REELD1: variants seen among roughly 807,000 people sequenced by gnomAD.
REELD1 encodes the protein reeler domain containing 1, also known as reelin domain-containing protein 1.
In REELD1, 12 loss-of-function variants were observed where a neutral mutation model predicts 6.3. The ratio of observed to expected loss-of-function variants is 1.89; its 90% CI spans 1.21 to 3.07. The LOEUF (loss-of-function observed/expected upper bound fraction) is 3.07, where lower values mean the gene tolerates loss of function less well. Ranked by LOEUF, REELD1 falls within the 30% of genes most tolerant of loss-of-function variation. The pLI is 0.00. For synonymous variants in REELD1, 57 were observed against 33.6 expected (o/e 1.70, Z -2.42); for missense variants, 163 against 86.8 (o/e 1.88, Z -3.49).
intron 4 of REELD1, among the ~76,000 whole-genome samples, 154 bp from the exon 5 acceptor site, chr4:146,224,291 G>A (rs1184757915): frequency 6.6e-6 from 1 of 152,202 alleles, no homozygotes; most frequent in African/African-American, 2.4e-5. Flanking sequence ...CACTCAAAGA[G>A]TAATAATATA....
At chr4:146,227,505 T>C (rs1028707300) in intron 5 of REELD1, among the ~76,000 whole-genome samples, 4 of 152,244 alleles carry the variant, frequency 2.6e-5, no homozygotes, top group African/African-American at 9.6e-5. Flanking sequence ...TCCACCTCAA[T>C]GAGTTCATGT....
At chr4:146,222,799 C>T (rs1165693895) in intron 4 of REELD1, among the ~76,000 whole-genome samples, 1 of 152,132 alleles carries the variant, frequency 6.6e-6, no homozygotes, top group African/African-American at 2.4e-5. Flanking sequence ...TGTCCATGGG[C>T]CTAGAGTGTG....
At chr4:146,214,904 G>A (rs1730797598) in intron 1 of REELD1, among the ~76,000 whole-genome samples, 172 bp from the exon 2 acceptor site, 1 of 152,072 alleles carries the variant, frequency 6.6e-6, no homozygotes, top group Non-Finnish European at 1.5e-5. Flanking sequence ...AAGACACAGT[G>A]AAACCTAAGG....
intron 3 of REELD1, among the ~76,000 whole-genome samples, chr4:146,221,144 A>C (rs1279039497): frequency 6.6e-6 from 1 of 152,176 alleles, no homozygotes; most frequent in Non-Finnish European, 1.5e-5. Flanking sequence ...AACCATCATC[A>C]CTATCCATTT....
intron 3 of REELD1, among the ~76,000 whole-genome samples, 173 bp from the exon 4 acceptor site, chr4:146,222,184 T>C (rs1405317443): frequency 1.3e-5 from 2 of 152,214 alleles, no homozygotes; most frequent in Admixed American, 1.3e-4. Flanking sequence ...ATAACTTTGA[T>C]CCAAATGGAA....
At chr4:146,229,550 T>A (rs141313700) in intron 7 of REELD1, among the ~76,000 whole-genome samples, 111 of 152,334 alleles carry the variant, frequency 7.3e-4, no homozygotes, top group African/African-American at 2.7e-3. Context: ...AAATGGTCCC[T>A]CTTGCATGGG....
Position 146,216,985 on chromosome 4 carries a change from TTGTAC to T in REELD1, c.34_38del (p.Cys12HisfsTer21), listed in dbSNP as rs1560722933. ...TGCAGGCTGCCCTCGTGGGCTGGGC[TTGTAC>T]CACCCTCTGCCTGGCTTCCTGCTCA... On this transcript the variant is annotated frameshift_variant, in exon 3 of 8. Transcript: ENST00000623665. LOFTEE classifies it high-confidence loss of function. 2 of 398,644 alleles carry T rather than the reference TTGTAC, an allele frequency of 5.0e-6. No homozygotes were observed. The highest frequency in any genetic ancestry group is 4.4e-5 in the Admixed American group (1 of 22,718). 24.7% of individuals were successfully genotyped at this position (398,644 alleles called of 1,614,324 possible).
At chr4:146,216,234 G>A (rs576665276) in intron 2 of REELD1, among the ~76,000 whole-genome samples, 142 of 152,148 alleles carry the variant, frequency 9.3e-4, no homozygotes, top group Non-Finnish European at 1.7e-3. Flanking sequence ...CTCTATAAAT[G>A]CTATTTTATT....
chr4:146,219,781 CTT>C (rs1730888315), intron 3 of REELD1, among the ~76,000 whole-genome samples: 2 of 152,212 alleles, frequency 1.3e-5, no homozygotes, highest in South Asian at 4.1e-4. Context: ...TCTTGCACCT[CTT>C]TTCAGAAGTT....
At position 146,228,858 on chromosome 4, in the gene REELD1, A is replaced by G. The variant is rs565951594; in HGVS notation, c.909-167A>G. 1.1e-4 allele frequency among the ~76,000 whole-genome samples: 16 copies of G among 152,326 alleles called. No individual in the cohort carries two copies. The East Asian group carries it at 2.9e-3, about 28-fold the overall frequency. On this transcript the variant is annotated intron_variant, in intron 6 of 7. Coordinates refer to ENST00000623665, the MANE Select transcript of REELD1 (RefSeq NM_001354631.1). ...AGCATTTGGTGAGTTCTTTGCCACC[A>G]TTCTCACTCATCTCTCCCCTTCCTC...
chr4:146,231,483 T>C lies in REELD1; in HGVS notation c.*970T>C, dbSNP rs1179114641. Among the ~76,000 whole-genome samples, 1 of 152,214 alleles carries C rather than the reference T, an allele frequency of 6.6e-6. No homozygotes were observed. Among genetic ancestry groups the C allele is most frequent in the African/African-American group, 2.4e-5 (1 of 41,458 alleles). The stretch of plus-strand genomic sequence containing the variant: ...TAACAGTGGCTCCACAGATACTATC[T>C]GAGGTCAAAACAACAGATCTGAATA... On this transcript the variant is annotated 3_prime_UTR_variant, in exon 8 of 8. Transcript: ENST00000623665.
chr4:146,230,086 C>T lies in REELD1; in HGVS notation c.1154C>T (p.Ser385Leu). ...TSGLPAAGDQ[S>L]EASRASASFL... Reference sequence around the variant, plus strand: ...GGGCTACCTGCTGCTGGTGACCAGTCAGAGGCATCCAGGGCCTCTGCCAGC... The same window carrying T: ...GGGCTACCTGCTGCTGGTGACCAGTTAGAGGCATCCAGGGCCTCTGCCAGC... Residue 385 changes from serine (S) to leucine (L), a missense_variant, in exon 8 of 8, where the codon TCA (serine) becomes TTA (leucine). Coordinates refer to ENST00000623665, the MANE Select transcript of REELD1 (RefSeq NM_001354631.1). 1 of 398,844 alleles carries T rather than the reference C, an allele frequency of 2.5e-6. No homozygotes were observed. The highest frequency in any genetic ancestry group is 4.4e-6 in the Non-Finnish European group (1 of 226,258). The allele number at this position is 398,844 out of a possible 1,614,324, so 24.7% of individuals were successfully genotyped here.
intron 4 of REELD1, among the ~76,000 whole-genome samples, chr4:146,223,092 A>G (rs1414917116): frequency 6.6e-6 from 1 of 152,228 alleles, no homozygotes; most frequent in African/African-American, 2.4e-5. Context: ...GGCAACAGTA[A>G]GCACTTTAAA....
At chr4:146,218,827 G>A (rs546447625) in intron 3 of REELD1, among the ~76,000 whole-genome samples, 178 of 152,252 alleles carry the variant, frequency 1.2e-3, no homozygotes, top group African/African-American at 4.1e-3. Flanking sequence ...GTGTTCTGTG[G>A]CTAGGGGAAT....
intron 3 of REELD1, among the ~76,000 whole-genome samples, chr4:146,219,917 G>T (rs182684590): frequency 6.6e-5 from 10 of 152,052 alleles, no homozygotes; most frequent in African/African-American, 2.4e-4. Context: ...TATTTTATTG[G>T]ATACAGAATT....
At chr4:146,218,980 C>T (rs899721907) in intron 3 of REELD1, among the ~76,000 whole-genome samples, 1 of 151,976 alleles carries the variant, frequency 6.6e-6, no homozygotes, top group South Asian at 2.1e-4. Flanking sequence ...AAAACCCTGT[C>T]CCTACAAAAA....
Position 146,222,536 on chromosome 4 carries a change from G to A in REELD1, c.388G>A (p.Val130Met), listed in dbSNP as rs1730942935. The A allele has an allele frequency of 1.0e-5, 4 of 398,496 alleles. No homozygotes were observed. Among genetic ancestry groups the A allele is most frequent in the Admixed American group, 4.4e-5 (1 of 22,716 alleles). 24.7% of individuals were successfully genotyped at this position (398,496 alleles called of 1,614,324 possible). Residue 130 changes from valine to methionine, a missense_variant, in exon 4 of 8, where the codon GTG (valine) becomes ATG (methionine). Val to Met is a conservative substitution (Grantham distance 21, BLOSUM62 1). Transcript: ENST00000623665. ...GTCCCTGAAGAGAAACCTGTCATTC[G>A]TGTGGAAGGCCCCAGCCCAGCCTGT... ...DKSLKRNLSF[V>M]WKAPAQPVGD... is the part of the protein sequence containing the mutation.
chr4:146,229,294 T>C (rs1362388680), intron 7 of REELD1, among the ~76,000 whole-genome samples: 2 of 152,200 alleles, frequency 1.3e-5, no homozygotes, highest in South Asian at 2.1e-4. Flanking sequence ...ATTGTAGAAA[T>C]TGATGTTTTA....
chr4:146,226,471 CA>C (rs1290717836), intron 5 of REELD1, among the ~76,000 whole-genome samples: 1 of 152,050 alleles, frequency 6.6e-6, no homozygotes, highest in Non-Finnish European at 1.5e-5. Flanking sequence ...TTGGGAAGTC[CA>C]AGATGAAGGC....
Sources: gnomAD v4.1 joint callset for allele counts (sites outside exome capture counted in the v4.1 genomes callset) on GRCh38, gnomAD v4.1.1 for gene constraint, MANE v1.5 for transcripts, NCBI Gene and HGNC (gene_info 2026-07-23, HGNC 2026-07-21) for gene names.